The following P2RX1 variants were observed in gnomAD, a reference collection of about 807,000 sequenced individuals.
P2RX1 encodes the protein purinergic receptor P2X 1.
A neutral mutation model predicts 50.3 loss-of-function variants in P2RX1; 42 were observed. That is an observed-to-expected ratio of 0.83 (90% CI 0.65 to 1.08). The LOEUF is 1.08. P2RX1 is among the 50% of genes least tolerant of loss of function. The pLI is 0.00. For synonymous variants in P2RX1, 199 were observed against 202.6 expected (o/e 0.98, Z 0.15); for missense variants, 449 against 529.0 (o/e 0.85, Z 1.48).
intron 1 of P2RX1, among the ~76,000 whole-genome samples, 199 bp from the exon 2 acceptor site, chr17:3,905,566 A>C (rs1456282221): frequency 1.3e-5 from 2 of 152,178 alleles, no homozygotes; most frequent in Non-Finnish European, 2.9e-5. Flanking sequence ...TTTCACTATG[A>C]AAATGCTAAT....
chr17:3,916,448 C>G lies in P2RX1; in HGVS notation c.-223G>C. ...TGGGTGATCAGAGCAGCTCTTGGCC[C>G]CTGGAAGGCAACAGACTGCAGGCCA... On this transcript the variant is annotated 5_prime_UTR_variant, in exon 1 of 12. Coordinates refer to ENST00000225538, the MANE Select transcript of P2RX1 (RefSeq NM_002558.4). 1 of 543,546 alleles carries G rather than the reference C, an allele frequency of 1.8e-6. No individual in the cohort carries two copies. The highest frequency in any genetic ancestry group is 3.3e-6 in the Non-Finnish European group (1 of 306,132). The allele number at this position is 543,546 out of a possible 1,614,324, so 33.7% of individuals were successfully genotyped here.
intron 7 of P2RX1, among the ~76,000 whole-genome samples, chr17:3,901,622 CT>C (rs1398217088): frequency 1.3e-5 from 2 of 152,228 alleles, no homozygotes; most frequent in African/African-American, 2.4e-5. Context: ...GCTGACCTCC[CT>C]TGTAGACAGA....
At chr17:3,915,622 T>A (rs776689842) in intron 1 of P2RX1, 20 of 457,564 alleles carry the variant, frequency 4.4e-5, no homozygotes, top group Non-Finnish European at 8.8e-6. Context: ...GCCTCAAACG[T>A]CCCTGGATGT....
chr17:3,914,640 G>A lies in P2RX1; in HGVS notation c.137+1449C>T, dbSNP rs1186143862. On this transcript the variant is annotated intron_variant, in intron 1 of 11. Coordinates refer to ENST00000225538, the MANE Select transcript of P2RX1 (RefSeq NM_002558.4). The surrounding 1 kb of genome is among the most constrained non-coding windows in gnomAD (Gnocchi z 4.1). ...GGAGTGATACTAAGGGTGGACTTCC[G>A]GCCCGTCCTGTACCTGGCATCCCAC... Among the ~76,000 whole-genome samples the A allele has an allele frequency of 5.3e-5, 8 of 152,134 alleles. No individual in the cohort carries two copies. The highest frequency in any genetic ancestry group is 3.3e-4 in the Admixed American group (5 of 15,272).
rs944162126 is a variant in P2RX1 at position 3,897,683 on chromosome 17, G to A, written c.*131C>T. The A allele has an allele frequency of 8.6e-6, 7 of 809,686 alleles. No individual in the cohort carries two copies. The African/African-American group carries it at 1.0e-4, about 12-fold the overall frequency. The allele number at this position is 809,686 out of a possible 1,614,324, so 50.2% of individuals were successfully genotyped here. A position where few individuals can be genotyped will look rare whatever the true frequency, so the allele number is the denominator to read the frequency against. On this transcript the variant is annotated 3_prime_UTR_variant, in exon 12 of 12. Transcript: ENST00000225538. The stretch of plus-strand genomic sequence containing the variant: ...CTCCTACTATGCACCCTGAGCTTCT[G>A]GCAAACTGCTCTCTGCCTGGCTGAG...
At chr17:3,900,175 G>C (rs1434455286) in intron 7 of P2RX1, among the ~76,000 whole-genome samples, 1 of 151,914 alleles carries the variant, frequency 6.6e-6, no homozygotes, top group South Asian at 2.1e-4. Context: ...TTTTGGAGCC[G>C]GGCGTGGTGG....
intron 1 of P2RX1, among the ~76,000 whole-genome samples, chr17:3,910,450 C>T (rs535425791): frequency 5.6e-4 from 86 of 152,364 alleles, no homozygotes; most frequent in Non-Finnish European, 9.7e-4. Context: ...CTCACAGCCA[C>T]CCTCCCCATC....
chr17:3,901,244 T>G (rs1023783761), intron 7 of P2RX1, among the ~76,000 whole-genome samples: 2 of 152,190 alleles, frequency 1.3e-5, no homozygotes, highest in East Asian at 3.9e-4. Context: ...ATTTTTTATA[T>G]TTTTAGTAGA....
intron 1 of P2RX1, among the ~76,000 whole-genome samples, chr17:3,907,693 C>T (rs2056292829): frequency 6.6e-6 from 1 of 152,218 alleles, no homozygotes. Flanking sequence ...CCTGCAGGTC[C>T]CAGATAGCAA....
intron 7 of P2RX1, among the ~76,000 whole-genome samples, 168 bp from the exon 8 acceptor site, chr17:3,899,929 C>T (rs556339255): frequency 6.6e-6 from 1 of 152,056 alleles, no homozygotes; most frequent in East Asian, 1.9e-4. Context: ...GGTGAAAACC[C>T]GTCTCTACTA....
intron 7 of P2RX1, among the ~76,000 whole-genome samples, chr17:3,901,521 C>T (rs1477169409): frequency 1.3e-5 from 2 of 152,212 alleles, no homozygotes; most frequent in Non-Finnish European, 2.9e-5. Context: ...CTGCCCTTGC[C>T]CTTCCACAGC....
intron 2 of P2RX1, 128 bp from the exon 3 acceptor site, chr17:3,905,057 G>GC: frequency 8.7e-7 from 1 of 1,148,508 alleles, no homozygotes; most frequent in Non-Finnish European, 1.2e-6. Context: ...CACACCCCCT[G>GC]CCACCAACAT....
At chr17:3,905,197 G>A (rs776766559) in intron 2 of P2RX1, 23 bp downstream of exon 2, 128 of 1,609,616 alleles carry the variant, frequency 8.0e-5, no homozygotes, top group Non-Finnish European at 9.8e-5. Flanking sequence ...GTGAGGGGAA[G>A]GTGCAAACCT....
At chr17:3,899,139 C>A in intron 8 of P2RX1, 115 bp from the exon 9 acceptor site, 1 of 764,586 alleles carries the variant, frequency 1.3e-6, no homozygotes, top group Non-Finnish European at 2.4e-6. Context: ...AGCCTCATCC[C>A]CAACACCGGG....
chr17:3,913,862 G>C (rs1056077058), intron 1 of P2RX1, among the ~76,000 whole-genome samples: 27 of 149,160 alleles, frequency 1.8e-4, no homozygotes, highest in African/African-American at 1.0e-4. Context: ...TGCACTCTTG[G>C]GGGGGGTGGT....
intron 2 of P2RX1, 140 bp downstream of exon 2, chr17:3,905,080 C>G: frequency 7.9e-7 from 1 of 1,261,292 alleles, no homozygotes; most frequent in Non-Finnish European, 1.1e-6. Context: ...GGTGATATCA[C>G]CAGGCTGCTT....
At chr17:3,912,266 C>A (rs1409643170) in intron 1 of P2RX1, among the ~76,000 whole-genome samples, 2 of 152,160 alleles carry the variant, frequency 1.3e-5, no homozygotes. Context: ...ACTGATTTTT[C>A]AGTTACATAA....
At position 3,897,898 on chromosome 17, in the gene P2RX1, G is replaced by A. The variant is rs374978319; in HGVS notation, c.1135-19C>T. ...GCTCAGCCTGTGTACGTGGTGCAAGGGTTGGGGGATACAAGTCAGTGCTGG... is the reference window on the plus strand; with the variant it reads ...GCTCAGCCTGTGTACGTGGTGCAAGAGTTGGGGGATACAAGTCAGTGCTGG... On this transcript the variant is annotated intron_variant, in intron 11 of 11. Coordinates refer to ENST00000225538, the MANE Select transcript of P2RX1 (RefSeq NM_002558.4). The A allele has an allele frequency of 1.2e-6, 2 of 1,613,908 alleles. No individual in the cohort carries two copies. The highest frequency in any genetic ancestry group is 2.2e-5 in the South Asian group (2 of 91,082).
chr17:3,901,701 G>A (rs753024286), intron 7 of P2RX1, among the ~76,000 whole-genome samples: 1 of 152,230 alleles, frequency 6.6e-6, no homozygotes, highest in African/African-American at 2.4e-5. Context: ...TCTTGAACAG[G>A]CAACTGCAAG....
Sources: allele counts gnomAD v4.1 joint callset (sites outside exome capture counted in the v4.1 genomes callset), GRCh38; gene constraint gnomAD v4.1.1; non-coding constraint Gnocchi (gnomAD v3.1); transcripts MANE v1.5; gene names NCBI Gene and HGNC (gene_info 2026-07-23, HGNC 2026-07-21).